The following GRIK2 variants were observed in gnomAD, a reference collection of about 807,000 sequenced individuals.
GRIK2 encodes the protein glutamate ionotropic receptor kainate type subunit 2.
Under a neutral mutation model 100.3 loss-of-function variants are expected in GRIK2, and 32 were observed. The observed-to-expected ratio is 0.32, with a 90% confidence interval of 0.24 to 0.43. The LOEUF (loss-of-function observed/expected upper bound fraction) is 0.43. Ranked by LOEUF, GRIK2 falls within the 20% of genes least tolerant of loss-of-function variation. The probability of loss-of-function intolerance (pLI) is 1.00; values close to 1 mark genes in which losing one functional copy is unlikely to be tolerated. For synonymous variants in GRIK2, 417 were observed against 389.4 expected (o/e 1.07, Z -0.83); for missense variants, 843 against 1,114.9 (o/e 0.76, Z 3.47).
chr6:101,693,016 A>G lies in GRIK2; in HGVS notation c.951+6663A>G, dbSNP rs1254551669. On this transcript the variant is annotated intron_variant, in intron 7 of 16. Coordinates refer to ENST00000369134, the MANE Select transcript of GRIK2 (RefSeq NM_021956.5). ...TTAATCTTCTAAGATGCACTAAGCT[A>G]CAAGTTAAATCTAAATACAAATAAT... Among the ~76,000 whole-genome samples the G allele has an allele frequency of 5.3e-5, 8 of 152,240 alleles. No individual in the cohort carries two copies. In the East Asian group the frequency reaches 1.4e-3, roughly 26 times the overall value.
At chr6:101,534,658 A>G (rs1775601984) in intron 2 of GRIK2, among the ~76,000 whole-genome samples, 1 of 151,820 alleles carries the variant, frequency 6.6e-6, no homozygotes, top group Non-Finnish European at 1.5e-5. Context: ...TCTATGTATA[A>G]TTCCTTTGAA....
chr6:101,396,244 C>A (rs531842983), intron 1 of GRIK2, among the ~76,000 whole-genome samples: 1 of 118,434 alleles, frequency 8.4e-6, no homozygotes, highest in Non-Finnish European at 1.9e-5. Flanking sequence ...TTTAGCATTC[C>A]CCCCCCCCCC....
At chr6:101,730,552 AGTTATAAAATCATT>A (rs1053166611) in intron 7 of GRIK2, among the ~76,000 whole-genome samples, 5 of 151,992 alleles carry the variant, frequency 3.3e-5, no homozygotes, top group Admixed American at 6.6e-5. Flanking sequence ...CCAATGGAAA[AGTTATAAAATCATT>A]GTTATTACTG....
At chr6:101,548,092 G>T (rs1429450347) in intron 2 of GRIK2, among the ~76,000 whole-genome samples, 6 of 151,906 alleles carry the variant, frequency 3.9e-5, no homozygotes, top group Non-Finnish European at 8.8e-5. Context: ...ATTTTTTCAT[G>T]TGTCTTTTGG....
chr6:101,882,823 C>G (rs1786349199), intron 11 of GRIK2, among the ~76,000 whole-genome samples: 1 of 151,932 alleles, frequency 6.6e-6, no homozygotes, highest in African/African-American at 2.4e-5. Flanking sequence ...ACTTACGTAG[C>G]TTTAATCTCA....
At chr6:102,012,570 G>A (rs1210855130) in intron 14 of GRIK2, among the ~76,000 whole-genome samples, 1 of 152,096 alleles carries the variant, frequency 6.6e-6, no homozygotes. Context: ...TGCATATTTT[G>A]TGAGATTTAT....
At chr6:101,706,799 A>G (rs1290727366) in intron 7 of GRIK2, among the ~76,000 whole-genome samples, 1 of 151,958 alleles carries the variant, frequency 6.6e-6, no homozygotes, top group African/African-American at 2.4e-5. Context: ...AAGCTCAATC[A>G]CTGGCTGGAA....
intron 11 of GRIK2, among the ~76,000 whole-genome samples, chr6:101,866,788 G>T (rs559726497): frequency 1.7e-4 from 26 of 151,684 alleles, no homozygotes; most frequent in African/African-American, 6.3e-4. Context: ...CCCCTTCTTT[G>T]AATTCCCCAT....
chr6:101,611,492 A>G (rs1009902644), intron 2 of GRIK2, among the ~76,000 whole-genome samples: 2 of 151,874 alleles, frequency 1.3e-5, no homozygotes, highest in African/African-American at 2.4e-5. Context: ...ACATATTTGT[A>G]TAGTTTTTAT....
At chr6:101,909,371 G>GTTTTTTTTTTTTTTTTTTTTTTT (rs370241149) in intron 12 of GRIK2, among the ~76,000 whole-genome samples, 2 of 83,534 alleles carry the variant, frequency 2.4e-5, no homozygotes, top group South Asian at 4.3e-4. Flanking sequence ...GGAAGATAGG[G>GTTTTTTTTTTTTTTTTTTTTTTT]TTTTCTTTTT....
intron 2 of GRIK2, among the ~76,000 whole-genome samples, chr6:101,541,386 A>C (rs1418193732): frequency 1.2e-4 from 4 of 32,834 alleles, no homozygotes; most frequent in Non-Finnish European, 3.3e-4. Flanking sequence ...CCACACACAC[A>C]CACACACACA....
intron 10 of GRIK2, among the ~76,000 whole-genome samples, chr6:101,854,441 G>A (rs1784314835): frequency 6.6e-6 from 1 of 151,966 alleles, no homozygotes; most frequent in African/African-American, 2.4e-5. Flanking sequence ...TATATTTTTA[G>A]TAGAGATGGA....
chr6:102,051,833 T>A (rs1189643352), intron 15 of GRIK2, among the ~76,000 whole-genome samples: 1 of 152,216 alleles, frequency 6.6e-6, no homozygotes, highest in Non-Finnish European at 1.5e-5. Context: ...ATTTCCTTAG[T>A]GTTTTCTAAT....
intron 14 of GRIK2, among the ~76,000 whole-genome samples, chr6:102,019,119 G>A (rs1410572304): frequency 6.6e-6 from 1 of 151,956 alleles, no homozygotes; most frequent in Admixed American, 6.6e-5. Context: ...GGTTATGCTA[G>A]CAGTTCTGCT....
chr6:101,792,722 T>C (rs1373290862), intron 7 of GRIK2, among the ~76,000 whole-genome samples: 2 of 152,248 alleles, frequency 1.3e-5, no homozygotes, highest in South Asian at 4.1e-4. Flanking sequence ...CTTTGTGGTG[T>C]TCTCTGTATT....
intron 2 of GRIK2, among the ~76,000 whole-genome samples, chr6:101,415,241 C>A (rs1228059566): frequency 1.3e-5 from 2 of 151,674 alleles, no homozygotes; most frequent in Admixed American, 6.6e-5. Context: ...ATAAATATCA[C>A]CCATTATCTC....
chr6:101,653,181 A>C (rs1183382255), intron 4 of GRIK2, among the ~76,000 whole-genome samples: 2 of 152,094 alleles, frequency 1.3e-5, no homozygotes, highest in Non-Finnish European at 2.9e-5. Flanking sequence ...TCTCTCTGAC[A>C]GACTTCTGTT....
At chr6:101,736,923 T>TTTCTAA (rs1442912169) in intron 7 of GRIK2, among the ~76,000 whole-genome samples, 2 of 152,136 alleles carry the variant, frequency 1.3e-5, no homozygotes, top group Non-Finnish European at 2.9e-5. Flanking sequence ...ACCTCTTGAA[T>TTTCTAA]GCTTTGCTGC....
intron 11 of GRIK2, among the ~76,000 whole-genome samples, chr6:101,870,701 T>C (rs1785356610): frequency 6.6e-6 from 1 of 151,762 alleles, no homozygotes. Context: ...TATAATATTA[T>C]CACACTTTCC....
Sources: gnomAD v4.1 joint callset for allele counts (sites outside exome capture counted in the v4.1 genomes callset) on GRCh38, gnomAD v4.1.1 for gene constraint, MANE v1.5 for transcripts, NCBI Gene and HGNC (gene_info 2026-07-23, HGNC 2026-07-21) for gene names.